Variants in EMSY observed in about 807,000 individuals in gnomAD.
The protein encoded by EMSY is BRCA2-interacting transcriptional repressor EMSY.
In EMSY, 26 loss-of-function variants were observed where a neutral mutation model predicts 134.6. The ratio of observed to expected loss-of-function variants is 0.19; its 90% confidence interval spans 0.14 to 0.27. The LOEUF is 0.27. Among genes scored for constraint, EMSY ranks in the 10% least tolerant of loss-of-function variants. EMSY has a pLI of 1.00. For synonymous variants in EMSY, 579 were observed against 577.8 expected (o/e 1.00, Z -0.03); for missense variants, 1,305 against 1,611.4 (o/e 0.81, Z 3.26).
chr11:76,474,963 C>T (rs1329045169), intron 8 of EMSY, among the ~76,000 whole-genome samples: 3 of 151,992 alleles, frequency 2.0e-5, no homozygotes, highest in South Asian at 2.1e-4. Flanking sequence ...GGTGTTTTGC[C>T]GTGTTGCCCA....
chr11:76,454,825 T>C (rs1367140723), intron 4 of EMSY, 35 bp downstream of exon 5: 6 of 1,385,614 alleles, frequency 4.3e-6, no homozygotes, highest in Non-Finnish European at 5.8e-6. Context: ...TCAGGCTTTT[T>C]CTTGTATTTA....
At chr11:76,545,219 G>A (rs1951598958) in intron 19 of EMSY, among the ~76,000 whole-genome samples, 1 of 151,970 alleles carries the variant, frequency 6.6e-6, no homozygotes, top group Admixed American at 6.6e-5. Context: ...GAACTTCATT[G>A]AACATCTTTC....
chr11:76,461,873 A>C (rs1464551178), intron 6 of EMSY, among the ~76,000 whole-genome samples: 5 of 151,248 alleles, frequency 3.3e-5, no homozygotes, highest in Non-Finnish European at 5.9e-5. Context: ...CAGAGGTTGC[A>C]GTGAGCTGAG....
At chr11:76,494,333 T>C (rs1201662398) in intron 8 of EMSY, among the ~76,000 whole-genome samples, 1 of 152,210 alleles carries the variant, frequency 6.6e-6, no homozygotes, top group Non-Finnish European at 1.5e-5. Flanking sequence ...GACAATAGTT[T>C]AGTTAGGGAG....
rs180734461 is a variant in EMSY, at chr11:76,512,278, G to A, written c.1364-1108G>A. On this transcript the variant is annotated intron_variant, in intron 9 of 20. Coordinates refer to ENST00000334736, the Ensembl canonical transcript of EMSY. Reference sequence around the variant, plus strand: ...TCATTTACCCCGAGAATACTTGCTGGTGGTGCTTGCAGCTGTAGCATTTAC... The same window carrying A: ...TCATTTACCCCGAGAATACTTGCTGATGGTGCTTGCAGCTGTAGCATTTAC... 9.9e-4 allele frequency among the ~76,000 whole-genome samples: 151 copies of A among 151,964 alleles called. 2 individuals are homozygous for A. The highest frequency in any genetic ancestry group is 3.4e-3 in the African/African-American group (139 of 41,450).
At chr11:76,493,666 C>A (rs1399664275) in intron 8 of EMSY, among the ~76,000 whole-genome samples, 2 of 152,218 alleles carry the variant, frequency 1.3e-5, no homozygotes, top group African/African-American at 4.8e-5. Flanking sequence ...GAAAGCTGAA[C>A]ACTCGTTCAG....
At chr11:76,542,759 T>G (rs528173625) in intron 18 of EMSY, among the ~76,000 whole-genome samples, 7 of 146,160 alleles carry the variant, frequency 4.8e-5, no homozygotes, top group African/African-American at 1.3e-4. Flanking sequence ...TTTTGTTTTT[T>G]TTTTTTTTTG....
At chr11:76,524,081 C>T (rs889655047) in intron 12 of EMSY, among the ~76,000 whole-genome samples, 1 of 152,002 alleles carries the variant, frequency 6.6e-6, no homozygotes, top group Non-Finnish European at 1.5e-5. Context: ...ATAACAGATT[C>T]ATTTATAGTT....
At position 76,505,867 on chromosome 11, in the gene EMSY, G is replaced by GA. The variant is rs896791209; in HGVS notation, c.1364-7510dup. On this transcript the variant is annotated intron_variant, in intron 9 of 20. Coordinates refer to ENST00000334736, the Ensembl canonical transcript of EMSY. Reference sequence around the variant, plus strand: ...GCGAGACTCTGTCTCAAAAAAAAAAGAAAAAAAAATTTCAGGCCGAGCACA... The same window carrying GA: ...GCGAGACTCTGTCTCAAAAAAAAAAGAAAAAAAAAATTTCAGGCCGAGCACA... Among the ~76,000 whole-genome samples, 3 of 147,802 alleles carry GA rather than the reference G, an allele frequency of 2.0e-5. No individual in the cohort carries two copies. In the Middle Eastern group the frequency reaches 0.011, roughly 543 times the overall value.
At chr11:76,465,395 G>A (rs1000579869) in intron 7 of EMSY, among the ~76,000 whole-genome samples, 1 of 152,104 alleles carries the variant, frequency 6.6e-6, no homozygotes, top group South Asian at 2.1e-4. Flanking sequence ...ATAAAACAGA[G>A]AAAACAATGT....
intron 9 of EMSY, among the ~76,000 whole-genome samples, chr11:76,512,622 C>T (rs767780378): frequency 2.7e-5 from 4 of 150,118 alleles, no homozygotes; most frequent in Admixed American, 6.6e-5. Context: ...CAGCAAGCTA[C>T]ACTTTTTTTT....
chr11:76,475,952 A>G (rs1948755563), intron 8 of EMSY, among the ~76,000 whole-genome samples: 1 of 152,240 alleles, frequency 6.6e-6, no homozygotes, highest in African/African-American at 2.4e-5. Flanking sequence ...GATGGTCCAC[A>G]CTGCATTAAT....
chr11:76,463,624 C>T (rs1194149337), intron 6 of EMSY, among the ~76,000 whole-genome samples, 197 bp from the exon 8 acceptor site: 11 of 102,000 alleles, frequency 1.1e-4, no homozygotes, highest in African/African-American at 3.0e-4. Context: ...AGCGAGACTC[C>T]GTCTCAAAAA....
chr11:76,531,875 G>A (rs1174684298), intron 14 of EMSY, among the ~76,000 whole-genome samples: 1 of 152,084 alleles, frequency 6.6e-6, no homozygotes, highest in African/African-American at 2.4e-5. Flanking sequence ...TAAGGACTAC[G>A]TATGCCAAGA....
intron 8 of EMSY, among the ~76,000 whole-genome samples, chr11:76,474,703 A>T (rs1410346076): frequency 3.9e-5 from 6 of 152,156 alleles, no homozygotes; most frequent in Admixed American, 2.6e-4. Flanking sequence ...TTAAGTAATT[A>T]AAAAAAATTC....
intron 20 of EMSY, chr11:76,547,050 G>C: frequency 2.2e-6 from 1 of 454,946 alleles, no homozygotes; most frequent in Non-Finnish European, 4.4e-6. Flanking sequence ...GAATTACTGA[G>C]TCCAGGCTAC....
At chr11:76,480,140 C>T (rs1948913736) in intron 8 of EMSY, among the ~76,000 whole-genome samples, 1 of 152,186 alleles carries the variant, frequency 6.6e-6, no homozygotes, top group Admixed American at 6.5e-5. Context: ...GCTGATGAAA[C>T]ATCACTGTTT....
At chr11:76,499,876 A>G (rs1470230016) in intron 9 of EMSY, among the ~76,000 whole-genome samples, 1 of 152,056 alleles carries the variant, frequency 6.6e-6, no homozygotes, top group Non-Finnish European at 1.5e-5. Flanking sequence ...CAATATAACA[A>G]GACCTCTGCC....
intron 11 of EMSY, among the ~76,000 whole-genome samples, chr11:76,519,531 A>T (rs1950572255): frequency 1.3e-5 from 2 of 152,234 alleles, no homozygotes; most frequent in African/African-American, 4.8e-5. Flanking sequence ...AGAACCTGTG[A>T]CAACAGCAAA....
Sources: gnomAD v4.1 joint callset for allele counts (sites outside exome capture counted in the v4.1 genomes callset) on GRCh38, gnomAD v4.1.1 for gene constraint, MANE v1.5 for transcripts, NCBI Gene and HGNC (gene_info 2026-07-23, HGNC 2026-07-21) for gene names.